ATRNL1: variants seen among roughly 807,000 people sequenced by gnomAD.
The protein encoded by ATRNL1 is attractin like 1.
In ATRNL1, 95 loss-of-function variants were observed where a neutral mutation model predicts 182.7. The ratio of observed to expected loss-of-function variants is 0.52; its 90% CI spans 0.44 to 0.62. The LOEUF is 0.62. Ranked by LOEUF, ATRNL1 falls within the 20% of genes least tolerant of loss-of-function variation. The pLI is 0.00. For missense variants in ATRNL1, 1,471 were observed against 1,679.5 expected (o/e 0.88, Z 2.17); for synonymous variants, 576 against 568.3 (o/e 1.01, Z -0.19).
At chr10:115,159,936 A>G (rs1846698396) in intron 5 of ATRNL1, 104 bp from the exon 6 acceptor site, 1 of 779,538 alleles carries the variant, frequency 1.3e-6, no homozygotes, top group Non-Finnish European at 1.9e-6. Flanking sequence ...ATTTGTTAAT[A>G]TGATAAACAT....
chr10:115,411,842 G>T (rs1554959966), intron 20 of ATRNL1, among the ~76,000 whole-genome samples: 1 of 151,992 alleles, frequency 6.6e-6, no homozygotes, highest in African/African-American at 2.4e-5. Context: ...AGTGGTTCAT[G>T]TTCATACCTC....
intron 24 of ATRNL1, among the ~76,000 whole-genome samples, chr10:115,488,456 G>C (rs1554975686): frequency 2.0e-5 from 3 of 152,144 alleles, no homozygotes; most frequent in African/African-American, 7.2e-5. Context: ...TTGGGAGTGT[G>C]TATGTGTCCA....
intron 25 of ATRNL1, among the ~76,000 whole-genome samples, chr10:115,536,104 C>T (rs1266082578): frequency 6.6e-6 from 1 of 152,102 alleles, no homozygotes; most frequent in Non-Finnish European, 1.5e-5. Flanking sequence ...CTCAGATCTC[C>T]AGCTGCGTGC....
chr10:115,736,520 C>T (rs1310067691), intron 27 of ATRNL1, among the ~76,000 whole-genome samples: 1 of 151,904 alleles, frequency 6.6e-6, no homozygotes, highest in African/African-American at 2.4e-5. Flanking sequence ...ATCTGAAATC[C>T]TTGGAAATCT....
chr10:115,365,580 C>T (rs1383708741), intron 19 of ATRNL1, among the ~76,000 whole-genome samples: 3 of 151,842 alleles, frequency 2.0e-5, no homozygotes, highest in Non-Finnish European at 2.9e-5. Flanking sequence ...ATGTGTTTGC[C>T]CTTGCTTTTC....
intron 18 of ATRNL1, 104 bp from the exon 19 acceptor site, chr10:115,334,178 G>T: frequency 1.4e-6 from 1 of 702,576 alleles, no homozygotes; most frequent in South Asian, 4.5e-5. Context: ...ATGCTCTTTG[G>T]GCACTTTTAC....
At chr10:115,936,675 T>C (rs782015912) in intron 28 of ATRNL1, among the ~76,000 whole-genome samples, 2 of 152,162 alleles carry the variant, frequency 1.3e-5, no homozygotes, top group African/African-American at 2.4e-5. Flanking sequence ...ATACAATGTC[T>C]CTACCAAATG....
chr10:115,761,462 A>G (rs1430362157), intron 27 of ATRNL1, among the ~76,000 whole-genome samples: 4 of 8,168 alleles, frequency 4.9e-4, no homozygotes, highest in Admixed American at 2.2e-3. Context: ...AAAATCATAA[A>G]TAACTTCCCC....
chr10:115,576,803 A>T (rs1786080058), intron 26 of ATRNL1, among the ~76,000 whole-genome samples: 1 of 151,928 alleles, frequency 6.6e-6, no homozygotes, highest in Admixed American at 6.6e-5. Flanking sequence ...CAAAAAAATT[A>T]TTTCCCAGGT....
At chr10:115,362,301 T>A (rs1554944459) in intron 19 of ATRNL1, among the ~76,000 whole-genome samples, 1 of 152,068 alleles carries the variant, frequency 6.6e-6, no homozygotes, top group African/African-American at 2.4e-5. Flanking sequence ...TAAATAAAAA[T>A]GTAAGTTAAA....
chr10:115,369,066 C>CT (rs1277808363), intron 19 of ATRNL1, among the ~76,000 whole-genome samples: 3 of 151,974 alleles, frequency 2.0e-5, no homozygotes, highest in African/African-American at 4.8e-5. Context: ...CAGTATTAGT[C>CT]TTTTTTTAAC....
At chr10:115,867,564 C>A (rs1264006575) in intron 28 of ATRNL1, among the ~76,000 whole-genome samples, 1 of 152,096 alleles carries the variant, frequency 6.6e-6, no homozygotes. Flanking sequence ...GTGTCATTAG[C>A]ATAACAGGAT....
chr10:115,530,302 A>T (rs3904065), intron 25 of ATRNL1, among the ~76,000 whole-genome samples: 106,479 of 151,950 alleles, frequency 0.7, 38,409 homozygotes, highest in African/African-American at 0.79. Context: ...ACTGCCAAAC[A>T]TTTTTTTAAA....
intron 13 of ATRNL1, among the ~76,000 whole-genome samples, chr10:115,274,465 A>T (rs1396167341): frequency 6.6e-6 from 1 of 152,072 alleles, no homozygotes; most frequent in Non-Finnish European, 1.5e-5. Context: ...ATACTGCTAG[A>T]CCCCTAGAGA....
chr10:115,437,093 T>A (rs1287477218), intron 21 of ATRNL1, among the ~76,000 whole-genome samples: 4 of 151,688 alleles, frequency 2.6e-5, no homozygotes, highest in Admixed American at 2.6e-4. Flanking sequence ...TGATAAGATG[T>A]GATAGTGTGA....
chr10:115,284,327 C>T (rs1852507407), intron 14 of ATRNL1, among the ~76,000 whole-genome samples: 1 of 151,960 alleles, frequency 6.6e-6, no homozygotes, highest in South Asian at 2.1e-4. Flanking sequence ...AGGAGACAGG[C>T]AATAATAATC....
rs373221164 is a variant in ATRNL1, at chr10:115,297,505, C to T, written c.2416-2529C>T. On this transcript the variant is annotated intron_variant, in intron 15 of 28. Coordinates refer to ENST00000355044, the MANE Select transcript of ATRNL1 (RefSeq NM_207303.4). ...AAAAAATACAAAAAAATTAGCTGGG[C>T]GTGGTGGTGGGTGCCTGTAGTCCCA... 4.6e-5 allele frequency among the ~76,000 whole-genome samples: 7 copies of T among 151,878 alleles called. No homozygotes were observed. In the East Asian group the frequency reaches 1.4e-3, roughly 30 times the overall value.
intron 21 of ATRNL1, among the ~76,000 whole-genome samples, chr10:115,446,353 A>G (rs1164664287): frequency 3.3e-5 from 5 of 151,940 alleles, no homozygotes; most frequent in East Asian, 3.9e-4. Context: ...AAATTTTGCC[A>G]TTACATTATT....
At chr10:115,480,231 C>CAT (rs1848704879) in intron 24 of ATRNL1, among the ~76,000 whole-genome samples, 1 of 150,500 alleles carries the variant, frequency 6.6e-6, no homozygotes, top group African/African-American at 2.4e-5. Flanking sequence ...CACACACACA[C>CAT]ACACAAAACA....
Sources: allele counts gnomAD v4.1 joint callset (sites outside exome capture counted in the v4.1 genomes callset), GRCh38; gene constraint gnomAD v4.1.1; transcripts MANE v1.5; gene names NCBI Gene and HGNC (gene_info 2026-07-23, HGNC 2026-07-21).